Variants in SPATA17 observed in about 807,000 individuals in gnomAD.
SPATA17 encodes spermatogenesis associated 17, also known as spermatogenesis-associated protein 17.
Under a neutral mutation model 62.2 loss-of-function variants are expected in SPATA17, and 53 were observed. The observed-to-expected ratio is 0.85, with a 90% CI of 0.68 to 1.07. The LOEUF is 1.07. Among genes scored for constraint, SPATA17 ranks in the 50% least tolerant of loss-of-function variants. The pLI is 0.00. For missense variants in SPATA17, 466 were observed against 425.5 expected (o/e 1.10, Z -0.84); for synonymous variants, 146 against 146.8 (o/e 0.99, Z 0.04).
intron 8 of SPATA17, among the ~76,000 whole-genome samples, chr1:217,790,697 G>T (rs1673977015): frequency 6.6e-6 from 1 of 152,106 alleles, no homozygotes; most frequent in Non-Finnish European, 1.5e-5. Flanking sequence ...CAAAGTGCTG[G>T]GATTACAGGC....
intron 9 of SPATA17, among the ~76,000 whole-genome samples, chr1:217,838,339 T>C (rs750105145): frequency 2.4e-4 from 36 of 152,218 alleles, no homozygotes; most frequent in Non-Finnish European, 4.9e-4. Context: ...GTTTTTTCGC[T>C]TTAAGACTTT....
chr1:217,721,465 T>A (rs1672124892), intron 5 of SPATA17, among the ~76,000 whole-genome samples: 1 of 152,146 alleles, frequency 6.6e-6, no homozygotes, highest in Non-Finnish European at 1.5e-5. Context: ...CACTGTCAAC[T>A]TAATTTGGGT....
chr1:217,636,409 CTT>C (rs574692755), intron 1 of SPATA17, among the ~76,000 whole-genome samples: 9 of 149,308 alleles, frequency 6.0e-5, no homozygotes, highest in East Asian at 6.0e-4. Context: ...TTATTATTGA[CTT>C]ATTATTATTA....
intron 5 of SPATA17, among the ~76,000 whole-genome samples, chr1:217,719,810 A>G (rs554566322): frequency 6.6e-6 from 1 of 152,326 alleles, no homozygotes; most frequent in South Asian, 2.1e-4. Flanking sequence ...ACCCATAAAC[A>G]ATGCAATTCA....
intron 6 of SPATA17, among the ~76,000 whole-genome samples, chr1:217,750,921 A>G (rs1456341836): frequency 2.6e-5 from 4 of 152,210 alleles, no homozygotes; most frequent in Non-Finnish European, 5.9e-5. Context: ...GGGCATCCTC[A>G]GTAAACCATG....
At chr1:217,818,830 A>C (rs748500302) in intron 9 of SPATA17, among the ~76,000 whole-genome samples, 1 of 145,390 alleles carries the variant, frequency 6.9e-6, no homozygotes, top group Non-Finnish European at 1.5e-5. Context: ...TTCTTTGCCT[A>C]TCTTCCACTT....
chr1:217,822,639 T>G (rs939322799), intron 9 of SPATA17, among the ~76,000 whole-genome samples: 1 of 148,176 alleles, frequency 6.7e-6, no homozygotes, highest in Non-Finnish European at 1.5e-5. Flanking sequence ...TATATCTATA[T>G]ATATATATAA....
chr1:217,636,666 T>G (rs1192896631), intron 1 of SPATA17, among the ~76,000 whole-genome samples: 1 of 152,170 alleles, frequency 6.6e-6, no homozygotes, highest in Non-Finnish European at 1.5e-5. Context: ...TCAAGCCATC[T>G]GCCCACCTCG....
At chr1:217,850,611 A>C in intron 9 of SPATA17, 1 of 1,595,100 alleles carries the variant, frequency 6.3e-7, no homozygotes, top group South Asian at 1.1e-5. Flanking sequence ...CTTGCCAGTC[A>C]GGGTCTTCAC....
chr1:217,793,175 A>T (rs1337092374), intron 8 of SPATA17, among the ~76,000 whole-genome samples: 1 of 149,088 alleles, frequency 6.7e-6, no homozygotes, highest in African/African-American at 2.5e-5. Context: ...TAGAGAGAAG[A>T]TTACAGATTT....
chr1:217,725,302 CTCTT>C (rs1330596771), intron 5 of SPATA17, among the ~76,000 whole-genome samples: 1 of 152,154 alleles, frequency 6.6e-6, no homozygotes, highest in African/African-American at 2.4e-5. Context: ...TCTGATTCTT[CTCTT>C]TCTTTGTAAT....
At position 217,773,735 on chromosome 1, in the gene SPATA17, A is replaced by G. The variant is rs909752121; in HGVS notation, c.520-599A>G. Among the ~76,000 whole-genome samples the G allele has an allele frequency of 2.0e-5, 3 of 152,132 alleles. No individual in the cohort carries two copies. In the East Asian group the frequency reaches 5.8e-4, roughly 29 times the overall value. On this transcript the variant is annotated intron_variant, in intron 6 of 10. Coordinates refer to ENST00000366933, the MANE Select transcript of SPATA17 (RefSeq NM_138796.4). ...TACAACTCATGAAATACAGGATGTT[A>G]TTTTGAGTGATATATAATATAGTAT...
Position 217,868,608 on chromosome 1 carries a change from A to T in SPATA17, c.*1589A>T, listed in dbSNP as rs1420812064. ...TGAAAAACTGAATAGTTGTATGCAT[A>T]CTCAAAGTATGGTTTCTACTGAATG... On this transcript the variant is annotated 3_prime_UTR_variant, in exon 11 of 11. Coordinates refer to ENST00000366933, the MANE Select transcript of SPATA17 (RefSeq NM_138796.4). 5.9e-5 allele frequency: 9 copies of T among 151,354 alleles called. No individual in the cohort carries two copies. The highest frequency in any genetic ancestry group is 1.9e-4 in the African/African-American group (8 of 41,118). The allele number at this position is 151,354 out of a possible 1,614,324, so 9.4% of individuals were successfully genotyped here. A position where few individuals can be genotyped will look rare whatever the true frequency, so the allele number is the denominator to read the frequency against.
chr1:217,823,601 C>T (rs930279480), intron 9 of SPATA17, among the ~76,000 whole-genome samples: 2 of 151,884 alleles, frequency 1.3e-5, no homozygotes, highest in Non-Finnish European at 2.9e-5. Flanking sequence ...GGAATCTCCT[C>T]ATTTCTTCTC....
chr1:217,762,801 A>G (rs914883421), intron 6 of SPATA17, among the ~76,000 whole-genome samples: 3 of 152,148 alleles, frequency 2.0e-5, no homozygotes, highest in African/African-American at 7.2e-5. Context: ...GTGAAACCCC[A>G]TGTCTACTAA....
At chr1:217,643,735 ATT>A (rs35299208) in intron 1 of SPATA17, among the ~76,000 whole-genome samples, 58 of 141,710 alleles carry the variant, frequency 4.1e-4, no homozygotes, top group Admixed American at 3.0e-3. Flanking sequence ...TATATATATA[ATT>A]TTTTTTTTTT....
intron 8 of SPATA17, among the ~76,000 whole-genome samples, chr1:217,799,580 C>T (rs962448236): frequency 2.6e-5 from 4 of 151,988 alleles, no homozygotes; most frequent in African/African-American, 9.7e-5. Context: ...TAATTCAAAG[C>T]TCTGTATTCT....
At chr1:217,783,471 C>T (rs1673782566) in intron 8 of SPATA17, among the ~76,000 whole-genome samples, 1 of 151,832 alleles carries the variant, frequency 6.6e-6, no homozygotes, top group South Asian at 2.1e-4. Context: ...TGGCTTAACC[C>T]AACATATGAT....
intron 9 of SPATA17, among the ~76,000 whole-genome samples, chr1:217,849,916 C>A (rs1675608961): frequency 6.6e-6 from 1 of 152,172 alleles, no homozygotes; most frequent in African/African-American, 2.4e-5. Context: ...TGGGATGTCA[C>A]TGGTGTCCCC....
Sources: allele counts gnomAD v4.1 joint callset (sites outside exome capture counted in the v4.1 genomes callset), GRCh38; gene constraint gnomAD v4.1.1; transcripts MANE v1.5; gene names NCBI Gene and HGNC (gene_info 2026-07-23, HGNC 2026-07-21).